Variants in SLC35F3 observed in about 807,000 individuals in gnomAD.
SLC35F3 encodes the protein putative thiamine transporter SLC35F3.
A neutral mutation model predicts 49.9 loss-of-function variants in SLC35F3; 25 were observed. The observed-to-expected ratio is 0.50, with a 90% confidence interval of 0.37 to 0.70. SLC35F3 has a LOEUF of 0.70. SLC35F3 is among the 30% of genes least tolerant of loss of function. The pLI is 0.00. For synonymous variants in SLC35F3, 275 were observed against 265.4 expected (o/e 1.04, Z -0.35); for missense variants, 525 against 639.8 (o/e 0.82, Z 1.94).
chr1:233,919,739 G>A (rs1021669040), intron 2 of SLC35F3, among the ~76,000 whole-genome samples: 12 of 152,110 alleles, frequency 7.9e-5, no homozygotes, highest in African/African-American at 2.9e-4. Context: ...ATGCTCAGGC[G>A]TTCTGTCCTT....
intron 2 of SLC35F3, among the ~76,000 whole-genome samples, chr1:233,950,632 C>T (rs1004202347): frequency 1.3e-5 from 2 of 151,574 alleles, no homozygotes; most frequent in Non-Finnish European, 2.9e-5. Context: ...CTTTCTCCCT[C>T]CATATGTTGA....
chr1:233,916,090 G>A (rs1288199234), intron 2 of SLC35F3, among the ~76,000 whole-genome samples: 1 of 152,174 alleles, frequency 6.6e-6, no homozygotes, highest in East Asian at 1.9e-4. Context: ...AAGAACTGAA[G>A]TCCCTTCCTA....
rs149910356 is a variant in SLC35F3, at chr1:233,931,929, G to A, written c.283+26171G>A. On this transcript the variant is annotated intron_variant, in intron 2 of 7. Coordinates refer to ENST00000366618, the MANE Select transcript of SLC35F3 (RefSeq NM_173508.4). The stretch of plus-strand genomic sequence containing the variant: ...CAATGATAGTCTGGATAAAGAAAAT[G>A]TGGCACATATACACCATGGAATACT... Among the ~76,000 whole-genome samples, 111 of 152,332 alleles carry A rather than the reference G, an allele frequency of 7.3e-4. 1 individual carries two copies. In the East Asian group the frequency reaches 0.018, roughly 24 times the overall value.
chr1:234,110,120 G>A (rs934733960), intron 2 of SLC35F3, among the ~76,000 whole-genome samples: 1 of 144,862 alleles, frequency 6.9e-6, no homozygotes, highest in Non-Finnish European at 1.5e-5. Context: ...AATTGAGAAG[G>A]TGGAGAAAAG....
intron 2 of SLC35F3, among the ~76,000 whole-genome samples, chr1:234,102,895 G>T (rs111961778): frequency 0.018 from 2,705 of 152,280 alleles, 74 homozygotes; most frequent in African/African-American, 0.062. Flanking sequence ...CGAAATAGAA[G>T]CCAAACAAAC....
chr1:234,135,868 A>G (rs1247410698), intron 2 of SLC35F3, among the ~76,000 whole-genome samples: 1 of 152,270 alleles, frequency 6.6e-6, no homozygotes, highest in African/African-American at 2.4e-5. Context: ...AAGTTCACTG[A>G]TGCCAGCCAA....
intron 3 of SLC35F3, among the ~76,000 whole-genome samples, chr1:234,271,328 G>C (rs1668100797): frequency 6.6e-6 from 1 of 152,030 alleles, no homozygotes; most frequent in Non-Finnish European, 1.5e-5. Context: ...AGCATATACA[G>C]GGCACCTATA....
intron 2 of SLC35F3, among the ~76,000 whole-genome samples, chr1:234,172,384 G>A (rs940030918): frequency 5.9e-5 from 9 of 152,212 alleles, no homozygotes; most frequent in African/African-American, 1.4e-4. Context: ...GTGCCACCAC[G>A]CCCAGCTAAT....
rs138845358 is a variant in SLC35F3 at position 234,141,965 on chromosome 1, C to T, written c.284-89452C>T. Among the ~76,000 whole-genome samples, 380 of 152,294 alleles carry T rather than the reference C, an allele frequency of 2.5e-3. 2 individuals are homozygous for T. The highest frequency in any genetic ancestry group is 8.1e-3 in the African/African-American group (335 of 41,568). ...CTTATTTCACTGTATTGTAATTATCCTTTGTCCCCCATTAGATGCAGCGAA... is the reference window on the plus strand; with the variant it reads ...CTTATTTCACTGTATTGTAATTATCTTTTGTCCCCCATTAGATGCAGCGAA... On this transcript the variant is annotated intron_variant, in intron 2 of 7. Coordinates refer to ENST00000366618, the MANE Select transcript of SLC35F3 (RefSeq NM_173508.4).
chr1:234,323,063 C>T lies in SLC35F3; in HGVS notation c.1293C>T (p.Ile431=), dbSNP rs1397795274. 1 of 1,614,166 alleles carries T rather than the reference C, an allele frequency of 6.2e-7. No individual in the cohort carries two copies. Among genetic ancestry groups the T allele is most frequent in the East Asian group, 2.2e-5 (1 of 44,884 alleles). The part of the protein sequence containing the change: ...IVFNGVRVIA[I]IIIGLGFLLL... Reference sequence around the variant, plus strand: ...TCAATGGGGTCCGGGTCATCGCCATCATCATCATCGGCCTGGGTTTTCTCC... The same window carrying T: ...TCAATGGGGTCCGGGTCATCGCCATTATCATCATCGGCCTGGGTTTTCTCC... The change falls in exon 8 of 8, where the codon ATC becomes ATT. Residue 431 remains isoleucine (I), a synonymous_variant. Coordinates refer to ENST00000366618, the MANE Select transcript of SLC35F3 (RefSeq NM_173508.4). This position sits in a 1 kb window ranked among gnomAD's most constrained non-coding sequence, Gnocchi z 4.5.
intron 2 of SLC35F3, among the ~76,000 whole-genome samples, chr1:234,017,443 G>A (rs551425825): frequency 4.6e-5 from 7 of 152,148 alleles, no homozygotes; most frequent in Non-Finnish European, 1.0e-4. Flanking sequence ...GCCGGGCGCA[G>A]TGGCTCATGC....
At position 234,056,796 on chromosome 1, in the gene SLC35F3, A is replaced by ACCTT. The variant is rs745434535; in HGVS notation, c.283+151039_283+151042dup. Among the ~76,000 whole-genome samples the ACCTT allele has an allele frequency of 1.1e-3, 175 of 152,208 alleles. 1 individual carries two copies. The highest frequency in any genetic ancestry group is 3.4e-3 in the Middle Eastern group (1 of 294). On this transcript the variant is annotated intron_variant, in intron 2 of 7. Coordinates refer to ENST00000366618, the MANE Select transcript of SLC35F3 (RefSeq NM_173508.4). Reference sequence around the variant, plus strand: ...TCTTCTAACAGTTTGGTAGCCTTAGACCTTATGTTTTGGTCTTTGATCCAT... The same window carrying ACCTT: ...TCTTCTAACAGTTTGGTAGCCTTAGACCTTCCTTATGTTTTGGTCTTTGATCCAT...
At chr1:234,054,902 G>A (rs925847847) in intron 2 of SLC35F3, among the ~76,000 whole-genome samples, 4 of 152,190 alleles carry the variant, frequency 2.6e-5, no homozygotes, top group Admixed American at 1.3e-4. Flanking sequence ...GAGTTTGCTG[G>A]AGGTCCACTC....
intron 2 of SLC35F3, among the ~76,000 whole-genome samples, chr1:234,051,311 T>A (rs1664372857): frequency 6.6e-6 from 1 of 152,350 alleles, no homozygotes; most frequent in East Asian, 1.9e-4. Context: ...CTCTTTTATT[T>A]CATTGAGCAG....
At chr1:234,051,969 C>T (rs1664384564) in intron 2 of SLC35F3, among the ~76,000 whole-genome samples, 1 of 152,292 alleles carries the variant, frequency 6.6e-6, no homozygotes, top group Admixed American at 6.5e-5. Context: ...TTGAACAAGC[C>T]TTGCATCACA....
At chr1:234,140,002 A>AAAATAAAATAAT in intron 2 of SLC35F3, among the ~76,000 whole-genome samples, 4 of 105,368 alleles carry the variant, frequency 3.8e-5, no homozygotes, top group Non-Finnish European at 9.5e-5. Flanking sequence ...AATAAAATAA[A>AAAATAAAATAAT]GTAAGTGACT....
intron 2 of SLC35F3, among the ~76,000 whole-genome samples, chr1:234,121,263 A>G (rs755102798): frequency 7.4e-5 from 11 of 149,174 alleles, no homozygotes; most frequent in Non-Finnish European, 7.4e-5. Context: ...CAGCCTCCTC[A>G]GTAGCTGGGA....
At chr1:234,055,330 G>T (rs1558216332) in intron 2 of SLC35F3, among the ~76,000 whole-genome samples, 1 of 152,158 alleles carries the variant, frequency 6.6e-6, no homozygotes, top group Non-Finnish European at 1.5e-5. Context: ...CGGCCTCTTT[G>T]TTTACCTACT....
At chr1:233,928,700 G>T (rs115798296) in intron 2 of SLC35F3, among the ~76,000 whole-genome samples, 1,962 of 152,192 alleles carry the variant, frequency 0.013, 48 homozygotes, top group African/African-American at 0.043. Flanking sequence ...TGAAAGTCTT[G>T]ACTTACAAAA....
Sources: gnomAD v4.1 joint callset for allele counts (sites outside exome capture counted in the v4.1 genomes callset) on GRCh38, gnomAD v4.1.1 for gene constraint, Gnocchi (gnomAD v3.1) non-coding constraint, MANE v1.5 for transcripts, NCBI Gene and HGNC (gene_info 2026-07-23, HGNC 2026-07-21) for gene names.